Variants in PPFIA3 observed in about 807,000 individuals in gnomAD.
PPFIA3 encodes PPFI scaffold protein A3, also known as liprin-alpha-3.
A neutral mutation model predicts 145.8 loss-of-function variants in PPFIA3; 26 were observed. The observed-to-expected ratio is 0.18, with a 90% CI of 0.13 to 0.25. PPFIA3 has a LOEUF of 0.25. Among genes scored for constraint, PPFIA3 ranks in the 10% least tolerant of loss-of-function variants. PPFIA3 has a pLI of 1.00. For synonymous variants in PPFIA3, 645 were observed against 661.4 expected (o/e 0.98, Z 0.38); for missense variants, 1,008 against 1,587.8 (o/e 0.63, Z 6.21).
Position 49,132,995 on chromosome 19 carries a change from C to T in PPFIA3, c.880-6C>T. On this transcript the variant is annotated splice_region_variant and splice_polypyrimidine_tract_variant and intron_variant, in intron 7 of 29. Coordinates refer to ENST00000334186, the MANE Select transcript of PPFIA3 (RefSeq NM_003660.4). ...CAGTCCACGGGGCCCTTTGCTACCTCCGCAGGCGCTGGCGCAGCGGGAAGA... is the reference window on the plus strand; with the variant it reads ...CAGTCCACGGGGCCCTTTGCTACCTTCGCAGGCGCTGGCGCAGCGGGAAGA... The T allele has an allele frequency of 1.2e-6, 2 of 1,610,026 alleles. No individual in the cohort carries two copies. Among genetic ancestry groups the T allele is most frequent in the South Asian group, 2.2e-5 (2 of 90,610 alleles).
rs1370320339 is a variant in PPFIA3 at position 49,149,564 on chromosome 19, C to A, written c.3372C>A (p.Phe1124Leu). 3 of 1,614,214 alleles carry A rather than the reference C, an allele frequency of 1.9e-6. No homozygotes were observed. The South Asian group carries it at 3.3e-5, about 18-fold the overall frequency. ...ATACCTAGGACAGCGCCAAGTCTTT[C>A]AGCCGCTCCCCATCCTGGCGGAAGA... is the stretch of plus-strand genomic sequence containing the variant. ...RRLDEDSAKS[F>L]SRSPSWRKMF... The change falls in exon 28 of 30, where the codon TTC (phenylalanine) becomes TTA (leucine). Residue 1124 changes from phenylalanine to leucine, a missense_variant. Coordinates refer to ENST00000334186, the MANE Select transcript of PPFIA3 (RefSeq NM_003660.4). This position sits in a 1 kb window ranked among gnomAD's most constrained non-coding sequence, Gnocchi z 5.7.
At chr19:49,127,809 T>C in intron 1 of PPFIA3, 50 bp from the exon 2 acceptor site, 1 of 1,567,090 alleles carries the variant, frequency 6.4e-7, no homozygotes, top group East Asian at 2.3e-5. Context: ...TCAGTTTCTC[T>C]GTTGTGCCTT....
chr19:49,134,261 G>A (rs2041110878), intron 11 of PPFIA3, 96 bp downstream of exon 11: 7 of 1,471,062 alleles, frequency 4.8e-6, no homozygotes, highest in Non-Finnish European at 3.7e-6. Context: ...ATCTGTTATC[G>A]GAGGCCTCCC....
chr19:49,146,061 G>C lies in PPFIA3; in HGVS notation c.2808+56G>C, dbSNP rs537577122. 5.0e-6 allele frequency: 8 copies of C among 1,607,594 alleles called. No individual in the cohort carries two copies. In the East Asian group the frequency reaches 1.8e-4, roughly 36 times the overall value. ...TGGCACTAACCTTCTTTGGGGGTGG[G>C]GGCGGGGACCGAGTCTGTGGCCATC... On this transcript the variant is annotated intron_variant, in intron 22 of 29. Transcript: ENST00000334186.
intron 1 of PPFIA3, among the ~76,000 whole-genome samples, chr19:49,127,574 G>A (rs2041017215): frequency 6.6e-6 from 1 of 151,770 alleles, no homozygotes; most frequent in African/African-American, 2.4e-5. Flanking sequence ...ACTCCAGCCT[G>A]GGTGACAGAG....
In PPFIA3 at chr19:49,128,028, G is replaced by A; in HGVS notation, c.155G>A (p.Gly52Glu). 1 of 1,596,798 alleles carries A rather than the reference G, an allele frequency of 6.3e-7. No homozygotes were observed. Among genetic ancestry groups the A allele is most frequent in the Non-Finnish European group, 8.5e-7 (1 of 1,179,150 alleles). ...GAGACGCTGCGCGAGGCACAGGACG[G>A]GTTGGCTACAGCGCAGCTGCGGCTG... ...LLETLREAQDGLATAQLRLRE... is the reference protein window; with the variant it reads ...LLETLREAQDELATAQLRLRE... The change falls in exon 2 of 30, where the codon GGG becomes GAG. Residue 52 changes from glycine to glutamate, a missense_variant. By Grantham distance (98) the Gly-to-Glu change is moderately conservative. Around this residue, in one of 11 missense-constraint regions of PPFIA3, gnomAD observed 108 missense variants for 144.3 expected, o/e 0.75. Transcript: ENST00000334186. The surrounding 1 kb of genome is among the most constrained non-coding windows in gnomAD (Gnocchi z 4.1).
intron 13 of PPFIA3, among the ~76,000 whole-genome samples, chr19:49,135,124 C>T (rs1568437428): frequency 6.6e-6 from 1 of 152,206 alleles, no homozygotes; most frequent in African/African-American, 2.4e-5. Flanking sequence ...TCACTGCAAC[C>T]TCCACCTCCT....
chr19:49,133,896 C>A lies in PPFIA3; in HGVS notation c.1245+17C>A, dbSNP rs772725900. ...CTGCAGCGGGTGAGGGGGCGGAAGA[C>A]TGCACAGAGGGTGGGGCTTCGAGGC... On this transcript the variant is annotated intron_variant, in intron 10 of 29. Transcript: ENST00000334186. The surrounding 1 kb of genome is among the most constrained non-coding windows in gnomAD (Gnocchi z 7.2). The A allele has an allele frequency of 6.2e-7, 1 of 1,612,244 alleles. No individual in the cohort carries two copies. The highest frequency in any genetic ancestry group is 1.1e-5 in the South Asian group (1 of 90,986).
chr19:49,142,776 C>G, intron 20 of PPFIA3, 28 bp from the exon 21 acceptor site: 1 of 1,604,454 alleles, frequency 6.2e-7, no homozygotes, highest in Non-Finnish European at 8.5e-7. Context: ...CCCTCTGTCC[C>G]CTCTGTCCCT....
chr19:49,141,762 T>A (rs796497651), intron 19 of PPFIA3, among the ~76,000 whole-genome samples: 27 of 146,646 alleles, frequency 1.8e-4, no homozygotes, highest in East Asian at 1.2e-3. Flanking sequence ...TTTCTTTTTT[T>A]AAAAATTTTT....
chr19:49,135,912 G>A lies in PPFIA3; in HGVS notation c.1654G>A (p.Glu552Lys). 1 of 1,611,664 alleles carries A rather than the reference G, an allele frequency of 6.2e-7. No homozygotes were observed. Among genetic ancestry groups the A allele is most frequent in the South Asian group, 1.1e-5 (1 of 90,872 alleles). Residue 552 changes from glutamate (E) to lysine (K), a missense_variant, in exon 14 of 30, where the codon GAG (glutamate) becomes AAG (lysine). Glu to Lys is a moderately conservative substitution (Grantham distance 56, BLOSUM62 1). Coordinates refer to ENST00000334186, the MANE Select transcript of PPFIA3 (RefSeq NM_003660.4). The part of the protein sequence containing the change: ...KRGRWSGVKE[E>K]PSKDWERSAP... ...GGGCCGCTGGTCAGGGGTCAAGGAG[G>A]AGCCCTCCAAGGTCAGCAGCTGCCT...
Position 49,130,304 on chromosome 19 carries a change from T to G in PPFIA3, c.658-74T>G. Reference sequence around the variant, plus strand: ...GATCTTTGATCTACTTTCAGCTGATTGACTTTCTCCTTGGATTTCCTCTGT... The same window carrying G: ...GATCTTTGATCTACTTTCAGCTGATGGACTTTCTCCTTGGATTTCCTCTGT... On this transcript the variant is annotated intron_variant, in intron 6 of 29. Transcript: ENST00000334186. This position sits in a 1 kb window ranked among gnomAD's most constrained non-coding sequence, Gnocchi z 4.5. 7.2e-7 allele frequency: 1 copy of G among 1,388,090 alleles called. No individual in the cohort carries two copies. The highest frequency in any genetic ancestry group is 9.8e-7 in the Non-Finnish European group (1 of 1,018,808). 86.0% of individuals were successfully genotyped at this position (1,388,090 alleles called of 1,614,324 possible).
intron 1 of PPFIA3, among the ~76,000 whole-genome samples, chr19:49,122,187 T>C (rs1328932498): frequency 6.6e-6 from 1 of 151,518 alleles, no homozygotes. Flanking sequence ...TTCAAGCGAT[T>C]CTCCTGCCTC....
chr19:49,148,586 C>A, intron 24 of PPFIA3, 80 bp from the exon 25 acceptor site: 2 of 1,129,542 alleles, frequency 1.8e-6, no homozygotes, highest in South Asian at 1.3e-5. Flanking sequence ...AAGAGCGCAG[C>A]CAGTGGGGAG....
rs2041144463 is a variant in PPFIA3, at chr19:49,136,838, A to C, written c.1780A>C (p.Ser594Arg). The part of the protein sequence containing the change: ...GMFGAELLSP[S>R]GQADVQTLAI... ...GTTTGGGGCCGAGCTGCTGTCCCCC[A>C]GTGGGCAGGCTGACGTGCAGACGCT... The change falls in exon 15 of 30, where the codon AGT (serine) becomes CGT (arginine). Residue 594 changes from serine (S) to arginine (R), a missense_variant. Physicochemically the swap from Ser to Arg is moderately radical, Grantham distance 110 (BLOSUM62 -1). This residue lies in a region of PPFIA3 where 121 missense variants were observed against 138.2 expected (regional missense o/e 0.88). Coordinates refer to ENST00000334186, the MANE Select transcript of PPFIA3 (RefSeq NM_003660.4). The C allele has an allele frequency of 1.4e-5, 22 of 1,589,796 alleles. No individual in the cohort carries two copies. The highest frequency in any genetic ancestry group is 1.9e-5 in the Non-Finnish European group (22 of 1,168,260).
In PPFIA3 at chr19:49,144,068, C is replaced by T. The variant is rs542319206; in HGVS notation, c.2745+1064C>T. ...TCGCCAAGGCTGGAGTGCAATGGTG[C>T]GACCTCGACTCACTGCAACCTCTGC... On this transcript the variant is annotated intron_variant, in intron 21 of 29. Transcript: ENST00000334186. 1.1e-4 allele frequency among the ~76,000 whole-genome samples: 17 copies of T among 151,918 alleles called. No individual in the cohort carries two copies. The East Asian group carries it at 2.3e-3, about 21-fold the overall frequency.
intron 12 of PPFIA3, 42 bp from the exon 13 acceptor site, chr19:49,134,794 C>T (rs780500475): frequency 1.0e-5 from 16 of 1,607,238 alleles, no homozygotes; most frequent in Middle Eastern, 1.7e-4. Flanking sequence ...TCCTCCTGGG[C>T]GGAGCAGATT....
intron 22 of PPFIA3, 63 bp downstream of exon 22, chr19:49,146,068 G>T (rs2122644264): frequency 2.5e-6 from 4 of 1,606,166 alleles, no homozygotes; most frequent in Non-Finnish European, 3.4e-6. Context: ...TGGGGGCGGG[G>T]ACCGAGTCTG....
intron 18 of PPFIA3, among the ~76,000 whole-genome samples, chr19:49,140,757 C>T (rs1391734983): frequency 4.7e-5 from 7 of 149,550 alleles, no homozygotes; most frequent in African/African-American, 1.7e-4. Context: ...CAGGTTCATG[C>T]CATTCTCCTG....
Sources: allele counts gnomAD v4.1 joint callset (sites outside exome capture counted in the v4.1 genomes callset), GRCh38; gene constraint gnomAD v4.1.1; regional missense constraint gnomAD v4.1.1; non-coding constraint Gnocchi (gnomAD v3.1); transcripts MANE v1.5; gene names NCBI Gene and HGNC (gene_info 2026-07-23, HGNC 2026-07-21).